Variants in CASZ1 observed in about 807,000 individuals in gnomAD.
The protein encoded by CASZ1 is zinc finger protein castor homolog 1.
In CASZ1, 28 loss-of-function variants were observed where a neutral mutation model predicts 135.2. That is an observed-to-expected ratio of 0.21 (90% CI 0.15 to 0.28). The LOEUF (loss-of-function observed/expected upper bound fraction) is 0.28, where lower values mean the gene tolerates loss of function less well. Among genes scored for constraint, CASZ1 ranks in the 10% least tolerant of loss-of-function variants. The probability of loss-of-function intolerance (pLI) is 1.00; values close to 1 mark genes in which losing one functional copy is unlikely to be tolerated. For synonymous variants in CASZ1, 1,068 were observed against 1,073.4 expected (o/e 0.99, Z 0.10); for missense variants, 2,161 against 2,453.3 (o/e 0.88, Z 2.52).
intron 8 of CASZ1, among the ~76,000 whole-genome samples, 199 bp from the exon 9 acceptor site, chr1:10,656,012 G>A (rs1454628872): frequency 6.6e-6 from 1 of 152,198 alleles, no homozygotes; most frequent in Non-Finnish European, 1.5e-5. Context: ...AAAGGTTCTA[G>A]GACCATAGAT....
Position 10,659,920 on chromosome 1 carries a change from G to A in CASZ1, c.1122C>T (p.Ser374=), listed in dbSNP as rs745770973. Residue 374 remains serine (S), a synonymous_variant, in exon 6 of 21, where the codon TCC becomes TCT. Coordinates refer to ENST00000377022, the MANE Select transcript of CASZ1 (RefSeq NM_001079843.3). ...TCTGGATGCCCCGGACGTCGTACTT[G>A]GAAGGGCGCCCCACCTTGCCTGTCT... ...AFKTGKVGRP[S]KYDVRGIQKP... is the part of the protein sequence containing the mutation. 1 of 1,612,044 alleles carries A rather than the reference G, an allele frequency of 6.2e-7. No homozygotes were observed. Among genetic ancestry groups the A allele is most frequent in the South Asian group, 1.1e-5 (1 of 91,066 alleles).
Position 10,638,916 on chromosome 1 carries a change from G to A in CASZ1, c.*26C>T, listed in dbSNP as rs1642088031. On this transcript the variant is annotated 3_prime_UTR_variant, in exon 21 of 21. Transcript: ENST00000377022. The surrounding 1 kb of genome is among the most constrained non-coding windows in gnomAD (Gnocchi z 5.9). ...CGCTCCCGAGGCCGAGGCCGAGGCC[G>A]CCGCCAGGGCCACCCGCGGGCGCCG... is the stretch of plus-strand genomic sequence containing the variant. 1.1e-5 allele frequency: 11 copies of A among 981,064 alleles called. No homozygotes were observed. Among genetic ancestry groups the A allele is most frequent in the Non-Finnish European group, 1.3e-5 (11 of 828,302 alleles). 60.8% of individuals were successfully genotyped at this position (981,064 alleles called of 1,614,324 possible). A position where few individuals can be genotyped will look rare whatever the true frequency, so the allele number is the denominator to read the frequency against.
At chr1:10,640,786 G>C (rs768350050) in intron 20 of CASZ1, among the ~76,000 whole-genome samples, 1 of 152,230 alleles carries the variant, frequency 6.6e-6, no homozygotes, top group Non-Finnish European at 1.5e-5. Context: ...CAGGGGCTCA[G>C]CCATGGGGAG....
chr1:10,649,226 G>A (rs1232091642), intron 14 of CASZ1, 34 bp from the exon 15 acceptor site: 3 of 1,610,386 alleles, frequency 1.9e-6, no homozygotes, highest in Admixed American at 1.7e-5. Context: ...AGGAGAGCCT[G>A]GGGCTCCAGG....
Position 10,647,547 on chromosome 1 carries a change from C to T in CASZ1, c.3497+254G>A, listed in dbSNP as rs1642400847. ...ACCCCACCTGGCCCTGGCAGGATCA[C>T]CACATGCCCTGCAGGAGCAGTAGCC... On this transcript the variant is annotated intron_variant, in intron 16 of 20. Transcript: ENST00000377022. The surrounding 1 kb of genome is among the most constrained non-coding windows in gnomAD (Gnocchi z 4.9). 7.2e-7 allele frequency: 1 copy of T among 1,385,554 alleles called. No individual in the cohort carries two copies. The highest frequency in any genetic ancestry group is 1.5e-5 in the African/African-American group (1 of 68,536). 85.8% of individuals were successfully genotyped at this position (1,385,554 alleles called of 1,614,324 possible). A position where few individuals can be genotyped will look rare whatever the true frequency, so the allele number is the denominator to read the frequency against.
At chr1:10,723,945 C>A (rs887552408) in intron 2 of CASZ1, among the ~76,000 whole-genome samples, 1 of 152,138 alleles carries the variant, frequency 6.6e-6, no homozygotes, top group Admixed American at 6.6e-5. Flanking sequence ...GGGTTCTTCC[C>A]GAGTCCAAAC....
Position 10,794,198 on chromosome 1 carries a change from TGCGCGCGC to T in CASZ1, c.-234+2358_-234+2365del, listed in dbSNP as rs1432907133. On this transcript the variant is annotated intron_variant, in intron 1 of 20. Transcript: ENST00000377022. This position sits in a 1 kb window ranked among gnomAD's most constrained non-coding sequence, Gnocchi z 5.6. ...ATGCGTGTGTGTGTGTGTGTGTGTG[TGCGCGCGC>T]GCGCGCGTCGTGGGTTGGGCGGGGG... is the stretch of plus-strand genomic sequence containing the variant. Among the ~76,000 whole-genome samples the T allele has an allele frequency of 7.1e-6, 1 of 140,830 alleles. No homozygotes were observed. The highest frequency in any genetic ancestry group is 2.7e-5 in the African/African-American group (1 of 37,604). The allele number at this position is 140,830 out of a possible 152,430, so 92.4% of individuals were successfully genotyped here.
At chr1:10,650,151 C>G (rs1035091857) in intron 13 of CASZ1, 1 of 152,156 alleles carries the variant, frequency 6.6e-6, no homozygotes, top group Non-Finnish European at 1.5e-5. Flanking sequence ...GTACAGTAAC[C>G]GAATTAATCT....
intron 1 of CASZ1, among the ~76,000 whole-genome samples, chr1:10,790,710 AGTACAACATAAATGC>A (rs1640941194): frequency 6.6e-6 from 1 of 152,226 alleles, no homozygotes; most frequent in South Asian, 2.1e-4. Flanking sequence ...ATTGTGTGTG[AGTACAACATAAATGC>A]TTCTCTCTTT....
At chr1:10,667,019 G>A (rs528709728) in intron 4 of CASZ1, among the ~76,000 whole-genome samples, 3 of 152,332 alleles carry the variant, frequency 2.0e-5, no homozygotes, top group South Asian at 4.1e-4. Context: ...CACATAGGCG[G>A]GAAGGCTGAG....
intron 4 of CASZ1, among the ~76,000 whole-genome samples, chr1:10,671,664 TGG>T (rs1209689733): frequency 1.9e-4 from 29 of 152,238 alleles, no homozygotes; most frequent in South Asian, 4.1e-4. Context: ...GGTGGGCACT[TGG>T]CAGGGGGGTG....
At chr1:10,675,041 A>G (rs1026030564) in intron 4 of CASZ1, among the ~76,000 whole-genome samples, 2 of 152,196 alleles carry the variant, frequency 1.3e-5, no homozygotes, top group African/African-American at 4.8e-5. Context: ...TGTCATTAAA[A>G]TAACAAGTTT....
rs774587139 is a variant in CASZ1 at position 10,656,533 on chromosome 1, G to A, written c.1500+113C>T. On this transcript the variant is annotated intron_variant, in intron 8 of 20. Transcript: ENST00000377022. ...CCTCTACCTGCTCAAGTCAAGTTTGGGTGGTGCAACTAGAACTAACCCCCC... is the reference window on the plus strand; with the variant it reads ...CCTCTACCTGCTCAAGTCAAGTTTGAGTGGTGCAACTAGAACTAACCCCCC... 89 of 764,308 alleles carry A rather than the reference G, an allele frequency of 1.2e-4. 1 individual carries two copies. Among genetic ancestry groups the A allele is most frequent in the Non-Finnish European group, 1.9e-4 (84 of 450,816 alleles). 47.3% of individuals were successfully genotyped at this position (764,308 alleles called of 1,614,324 possible).
chr1:10,763,749 A>C (rs907231806), intron 1 of CASZ1, among the ~76,000 whole-genome samples: 1 of 152,162 alleles, frequency 6.6e-6, no homozygotes, highest in African/African-American at 2.4e-5. Context: ...CAGCTGGGCC[A>C]CCGTGGGCAG....
chr1:10,686,821 C>T (rs536383468), intron 4 of CASZ1, among the ~76,000 whole-genome samples: 2 of 152,228 alleles, frequency 1.3e-5, no homozygotes, highest in Non-Finnish European at 2.9e-5. Flanking sequence ...CTCCCCCACC[C>T]GTGGCCAGAA....
chr1:10,702,556 G>T (rs1458216430), intron 3 of CASZ1, among the ~76,000 whole-genome samples: 1 of 152,196 alleles, frequency 6.6e-6, no homozygotes, highest in Admixed American at 6.5e-5. Context: ...GCCAAGCCAA[G>T]AGGAATCACG....
chr1:10,752,968 C>T (rs1479240534), intron 2 of CASZ1, among the ~76,000 whole-genome samples: 5 of 152,106 alleles, frequency 3.3e-5, no homozygotes, highest in East Asian at 1.9e-4. Context: ...ACCTGAGAGG[C>T]GGAGGTTGCA....
At chr1:10,766,204 G>GCACACACA (rs143572570) in intron 1 of CASZ1, among the ~76,000 whole-genome samples, 6 of 148,608 alleles carry the variant, frequency 4.0e-5, no homozygotes, top group East Asian at 2.0e-4. Context: ...TTCAGCACGT[G>GCACACACA]CACACACACA....
intron 2 of CASZ1, among the ~76,000 whole-genome samples, chr1:10,738,222 C>A (rs1557542162): frequency 6.6e-6 from 1 of 152,166 alleles, no homozygotes; most frequent in South Asian, 2.1e-4. Context: ...AAAGAGGTGG[C>A]CTTTGAACCA....
Sources: gnomAD v4.1 joint callset for allele counts (sites outside exome capture counted in the v4.1 genomes callset) on GRCh38, gnomAD v4.1.1 for gene constraint, Gnocchi (gnomAD v3.1) non-coding constraint, MANE v1.5 for transcripts, NCBI Gene and HGNC (gene_info 2026-07-23, HGNC 2026-07-21) for gene names.